The following MACROD2 variants were observed in gnomAD, a reference collection of about 807,000 sequenced individuals.
MACROD2 encodes the protein ADP-ribose glycohydrolase MACROD2.
Under a neutral mutation model 70.4 loss-of-function variants are expected in MACROD2, and 36 were observed. That is an observed-to-expected ratio of 0.51 (90% CI 0.39 to 0.68). The LOEUF is 0.68. Among genes scored for constraint, MACROD2 ranks in the 30% least tolerant of loss-of-function variants. The pLI is 0.00. For synonymous variants in MACROD2, 172 were observed against 178.8 expected (o/e 0.96, Z 0.30); for missense variants, 496 against 538.4 (o/e 0.92, Z 0.78).
At chr20:14,015,451 C>A (rs1231036082) in intron 2 of MACROD2, among the ~76,000 whole-genome samples, 2 of 152,186 alleles carry the variant, frequency 1.3e-5, no homozygotes, top group African/African-American at 4.8e-5. Flanking sequence ...GTGGTGTGCA[C>A]TTGTTGTCCC....
At chr20:14,405,036 A>C (rs1258617918) in intron 3 of MACROD2, among the ~76,000 whole-genome samples, 1 of 152,200 alleles carries the variant, frequency 6.6e-6, no homozygotes, top group Non-Finnish European at 1.5e-5. Context: ...AAAAAATAAA[A>C]TTTAAAGTAA....
At chr20:14,939,244 G>A (rs2423857) in intron 5 of MACROD2, among the ~76,000 whole-genome samples, 9,048 of 152,074 alleles carry the variant, frequency 0.059, 275 homozygotes, top group African/African-American at 0.069. Context: ...ATTTAAGTCT[G>A]TAATCCATTT....
chr20:15,847,455 G>A (rs1177216057), intron 8 of MACROD2, among the ~76,000 whole-genome samples: 2 of 152,124 alleles, frequency 1.3e-5, no homozygotes, highest in Non-Finnish European at 2.9e-5. Flanking sequence ...ATAAAGCATC[G>A]TTTTCCTGCT....
At position 15,776,029 on chromosome 20, in the gene MACROD2, G is replaced by A. The variant is rs146682307; in HGVS notation, c.646-86716G>A. On this transcript the variant is annotated intron_variant, in intron 8 of 17. Transcript: ENST00000684519. ...CCCTAAGGCAAATATATTTCATGTG[G>A]GTTGGCATAAGGTTGCTTCCATTTT... Among the ~76,000 whole-genome samples the A allele has an allele frequency of 6.8e-3, 1,037 of 152,254 alleles. 16 individuals carry two copies. The highest frequency in any genetic ancestry group is 0.024 in the African/African-American group (999 of 41,542).
chr20:15,675,331 A>G (rs1159854571), intron 8 of MACROD2, among the ~76,000 whole-genome samples: 1 of 152,202 alleles, frequency 6.6e-6, no homozygotes, highest in Admixed American at 6.5e-5. Context: ...CATCATAAAT[A>G]TGTAACCTCA....
At chr20:14,890,005 C>T (rs1022446586) in intron 5 of MACROD2, among the ~76,000 whole-genome samples, 1 of 152,006 alleles carries the variant, frequency 6.6e-6, no homozygotes, top group African/African-American at 2.4e-5. Context: ...AAAAGGAGTA[C>T]AGACTTTGTA....
At chr20:14,442,563 C>A (rs1273013414) in intron 3 of MACROD2, among the ~76,000 whole-genome samples, 1 of 152,002 alleles carries the variant, frequency 6.6e-6, no homozygotes, top group Admixed American at 6.6e-5. Context: ...CTCTTTCTTT[C>A]TTTTAAACTA....
intron 8 of MACROD2, among the ~76,000 whole-genome samples, chr20:15,707,529 A>G (rs1007533424): frequency 7.9e-5 from 12 of 152,228 alleles, no homozygotes; most frequent in Non-Finnish European, 1.5e-4. Context: ...CAGGCCTGTA[A>G]TTCTACCACT....
At chr20:15,882,978 T>A (rs1200150592) in intron 9 of MACROD2, among the ~76,000 whole-genome samples, 1 of 151,878 alleles carries the variant, frequency 6.6e-6, no homozygotes, top group Non-Finnish European at 1.5e-5. Flanking sequence ...TTGACTACCA[T>A]ATGTTGGAAT....
chr20:15,052,382 A>G (rs1302468785), intron 5 of MACROD2, among the ~76,000 whole-genome samples: 3 of 152,188 alleles, frequency 2.0e-5, no homozygotes, highest in Admixed American at 6.5e-5. Context: ...CCTTGTATTG[A>G]GCAAGCCTAT....
intron 3 of MACROD2, chr20:14,128,302 G>C: frequency 5.0e-6 from 1 of 199,184 alleles, no homozygotes; most frequent in Non-Finnish European, 1.1e-5. Context: ...GGAGGGTGTA[G>C]GGTTCAAACT....
At chr20:15,375,339 A>C (rs563502458) in intron 6 of MACROD2, among the ~76,000 whole-genome samples, 9 of 151,982 alleles carry the variant, frequency 5.9e-5, no homozygotes, top group African/African-American at 9.7e-5. Flanking sequence ...GATTTGGAAC[A>C]ACAAGGTGAA....
chr20:14,379,453 A>C (rs1037591319), intron 3 of MACROD2, among the ~76,000 whole-genome samples: 23 of 152,208 alleles, frequency 1.5e-4, no homozygotes, highest in African/African-American at 5.3e-4. Context: ...TAATTGTAAG[A>C]AATATATAAA....
At chr20:15,755,111 G>A (rs747455978) in intron 8 of MACROD2, among the ~76,000 whole-genome samples, 34 of 152,026 alleles carry the variant, frequency 2.2e-4, no homozygotes, top group African/African-American at 7.5e-4. Flanking sequence ...CACCTGCATC[G>A]GCCTCCCAAA....
At chr20:15,536,194 G>C (rs904735117) in intron 8 of MACROD2, among the ~76,000 whole-genome samples, 1 of 152,130 alleles carries the variant, frequency 6.6e-6, no homozygotes, top group African/African-American at 2.4e-5. Context: ...ATTTGCCCAA[G>C]ACAGAACAGT....
intron 8 of MACROD2, among the ~76,000 whole-genome samples, chr20:15,764,413 T>A (rs1311695094): frequency 6.6e-6 from 1 of 152,182 alleles, no homozygotes; most frequent in Non-Finnish European, 1.5e-5. Context: ...ATAGGCATCT[T>A]AAAATTAACT....
intron 8 of MACROD2, among the ~76,000 whole-genome samples, chr20:15,812,173 C>T (rs2063828092): frequency 6.6e-6 from 1 of 152,198 alleles, no homozygotes; most frequent in Non-Finnish European, 1.5e-5. Flanking sequence ...GGGCCGTCCC[C>T]CACCCCTTGG....
chr20:15,816,257 C>T (rs16996620), intron 8 of MACROD2, among the ~76,000 whole-genome samples: 3,121 of 152,186 alleles, frequency 0.021, 126 homozygotes, highest in African/African-American at 0.072. Flanking sequence ...GCTTCTTCCA[C>T]TTAGCAAATA....
At chr20:15,942,514 C>T (rs892375028) in intron 12 of MACROD2, among the ~76,000 whole-genome samples, 13 of 152,152 alleles carry the variant, frequency 8.5e-5, no homozygotes, top group Admixed American at 4.6e-4. Context: ...TCTTTCTCTA[C>T]TGGTTAAAAA....
Sources: allele counts gnomAD v4.1 joint callset (sites outside exome capture counted in the v4.1 genomes callset), GRCh38; gene constraint gnomAD v4.1.1; transcripts MANE v1.5; gene names NCBI Gene and HGNC (gene_info 2026-07-23, HGNC 2026-07-21).